The following FAM228B variants were observed in gnomAD, a reference collection of about 807,000 sequenced individuals.
FAM228B encodes protein FAM228B.
FAM228B carries 38 observed loss-of-function variants against 42.6 expected under a neutral mutation model. The ratio of observed to expected loss-of-function variants is 0.89; its 90% CI spans 0.69 to 1.17. The LOEUF (loss-of-function observed/expected upper bound fraction) is 1.17. Among genes scored for constraint, FAM228B ranks in the 50% most tolerant of loss-of-function variants. The pLI, the probability that FAM228B is intolerant of heterozygous loss-of-function variation, is 0.00. For missense variants in FAM228B, 344 were observed against 367.3 expected (o/e 0.94, Z 0.52); for synonymous variants, 109 against 122.3 (o/e 0.89, Z 0.72).
intron 7 of FAM228B, among the ~76,000 whole-genome samples, chr2:24,151,832 C>T (rs1667030663): frequency 6.6e-6 from 1 of 151,914 alleles, no homozygotes; most frequent in African/African-American, 2.4e-5. Context: ...TGCAGGCATG[C>T]ACCATCACAC....
chr2:24,123,375 G>C (rs1666189762), upstream of FAM228B: 1 of 152,194 alleles, frequency 6.6e-6, no homozygotes, highest in African/African-American at 2.4e-5. Context: ...AGCGACTCCA[G>C]CCCCTTCCGC....
chr2:24,124,318 G>A lies in FAM228B; in HGVS notation c.-32-12G>A. The A allele has an allele frequency of 7.9e-7, 1 of 1,272,230 alleles. No individual in the cohort carries two copies. Among genetic ancestry groups the A allele is most frequent in the Middle Eastern group, 1.9e-4 (1 of 5,382 alleles). 78.8% of individuals were successfully genotyped at this position (1,272,230 alleles called of 1,614,324 possible). On this transcript the variant is annotated splice_polypyrimidine_tract_variant and intron_variant, in intron 1 of 10. Transcript: ENST00000615575. Reference sequence around the variant, plus strand: ...CTGTGAAATGTTCAATACTAAATAAGATGATTTTTAGTTTTTCCAGGGGCA... The same window carrying A: ...CTGTGAAATGTTCAATACTAAATAAAATGATTTTTAGTTTTTCCAGGGGCA...
chr2:24,122,169 T>G (rs897316808), upstream of FAM228B, among the ~76,000 whole-genome samples: 1 of 151,992 alleles, frequency 6.6e-6, no homozygotes, highest in Non-Finnish European at 1.5e-5. Context: ...CCATCTCTAC[T>G]AAAAATACAA....
At chr2:24,127,037 ACTAT>A (rs1394200893) in intron 2 of FAM228B, among the ~76,000 whole-genome samples, 2 of 152,038 alleles carry the variant, frequency 1.3e-5, no homozygotes, top group Admixed American at 1.3e-4. Flanking sequence ...AACTGTCACC[ACTAT>A]CTAATTCCAG....
At chr2:24,167,510 C>T (rs1273868023) in intron 9 of FAM228B, 117 bp from the exon 10 acceptor site, 2 of 1,394,634 alleles carry the variant, frequency 1.4e-6, no homozygotes, top group African/African-American at 2.8e-5. Context: ...TGGTTCTTCT[C>T]CTGCCCTGGG....
At chr2:24,158,079 C>T (rs1317336198) in intron 7 of FAM228B, among the ~76,000 whole-genome samples, 1 of 151,746 alleles carries the variant, frequency 6.6e-6, no homozygotes, top group Non-Finnish European at 1.5e-5. Context: ...GAATGACATA[C>T]AAGATTGGGC....
chr2:24,130,263 A>G (rs892653458), intron 2 of FAM228B, among the ~76,000 whole-genome samples: 7 of 152,202 alleles, frequency 4.6e-5, no homozygotes, highest in East Asian at 1.9e-4. Context: ...TAGTGCTGCA[A>G]TAAACATACA....
In FAM228B at chr2:24,134,384, G is replaced by A. The variant is rs140784837; in HGVS notation, c.100-735G>A. Among the ~76,000 whole-genome samples the A allele has an allele frequency of 2.6e-4, 40 of 152,328 alleles. 2 individuals carry two copies. Among genetic ancestry groups the A allele is most frequent in the Admixed American group, 2.1e-3 (32 of 15,298 alleles). On this transcript the variant is annotated intron_variant, in intron 2 of 10. Coordinates refer to ENST00000615575, the MANE Select transcript of FAM228B (RefSeq NM_001145710.2). ...TGCCTTAGGTGGCACTAAGCTTTTA[G>A]TGAAACTGTTGACATATTCTTAACT...
upstream of FAM228B, chr2:24,121,032 G>T: frequency 8.2e-7 from 1 of 1,215,554 alleles, no homozygotes; most frequent in Non-Finnish European, 1.1e-6. Context: ...GCACTAGACT[G>T]CTATCTCAAG....
At chr2:24,130,751 C>A (rs1666436309) in intron 2 of FAM228B, among the ~76,000 whole-genome samples, 1 of 152,086 alleles carries the variant, frequency 6.6e-6, no homozygotes, top group Non-Finnish European at 1.5e-5. Flanking sequence ...TGTAGGTTTC[C>A]TGTTCATTCC....
At chr2:24,116,883 AAAAAAG>A (rs1220180632) in intron 3 of FAM228B, among the ~76,000 whole-genome samples, 2 of 148,580 alleles carry the variant, frequency 1.3e-5, no homozygotes, top group Non-Finnish European at 3.0e-5. Context: ...TCTCAAAAAA[AAAAAAG>A]AAAAAGAAAA....
At chr2:24,150,338 C>T (rs1666996651) in intron 7 of FAM228B, among the ~76,000 whole-genome samples, 1 of 152,076 alleles carries the variant, frequency 6.6e-6, no homozygotes, top group Non-Finnish European at 1.5e-5. Context: ...CTTTATTTCT[C>T]CTTCATGCTT....
chr2:24,152,305 C>A (rs1284723846), intron 7 of FAM228B, among the ~76,000 whole-genome samples: 1 of 152,200 alleles, frequency 6.6e-6, no homozygotes, highest in East Asian at 1.9e-4. Flanking sequence ...GGTCATATAT[C>A]TCTGTTTCTC....
In FAM228B at chr2:24,077,954, T is replaced by G. The variant is rs1234455430; in HGVS notation, c.-290+985T>G. ...ATGTGCCATCTCAGAATATGTCCGA[T>G]AGGTATATTGTTAATTTTGAGGTGA... is the stretch of plus-strand genomic sequence containing the variant. On this transcript the variant is annotated intron_variant, in intron 1 of 10. Transcript: ENST00000613899. This position sits in a 1 kb window ranked among gnomAD's most constrained non-coding sequence, Gnocchi z 5.5. Among the ~76,000 whole-genome samples, 2 of 152,176 alleles carry G rather than the reference T, an allele frequency of 1.3e-5. No homozygotes were observed. Among genetic ancestry groups the G allele is most frequent in the East Asian group, 3.8e-4 (2 of 5,198 alleles).
chr2:24,120,746 G>C (rs182310799), upstream of FAM228B, among the ~76,000 whole-genome samples: 169 of 152,060 alleles, frequency 1.1e-3, no homozygotes, highest in Non-Finnish European at 1.9e-3. Flanking sequence ...GTAGAAACAG[G>C]GTTTCACCAT....
At chr2:24,143,335 C>T (rs867848845) in intron 5 of FAM228B, among the ~76,000 whole-genome samples, 18 of 152,230 alleles carry the variant, frequency 1.2e-4, no homozygotes, top group South Asian at 2.1e-4. Flanking sequence ...CGCCCGCCAC[C>T]ACGCCCGGCT....
Position 24,169,249 on chromosome 2 carries a change from C to T in FAM228B, c.*15-107C>T. On this transcript the variant is annotated intron_variant, in intron 10 of 10. Transcript: ENST00000615575. This position sits in a 1 kb window ranked among gnomAD's most constrained non-coding sequence, Gnocchi z 4.2. Reference sequence around the variant, plus strand: ...GATGAGTCACTCGGCTCTGGCAGGACAGGCTTCAGGGGGATCAGCTCAGCT... The same window carrying T: ...GATGAGTCACTCGGCTCTGGCAGGATAGGCTTCAGGGGGATCAGCTCAGCT... 3 of 369,950 alleles carry T rather than the reference C, an allele frequency of 8.1e-6. No individual in the cohort carries two copies. The highest frequency in any genetic ancestry group is 6.0e-5 in the South Asian group (3 of 50,268). 22.9% of individuals were successfully genotyped at this position (369,950 alleles called of 1,614,324 possible).
intron 3 of FAM228B, among the ~76,000 whole-genome samples, chr2:24,112,296 C>CTTT (rs397984067): frequency 1.6e-4 from 15 of 95,744 alleles, no homozygotes; most frequent in Non-Finnish European, 2.3e-4. Context: ...AAGCTTTCAT[C>CTTT]TTTTTTTTTT....
intron 7 of FAM228B, among the ~76,000 whole-genome samples, chr2:24,160,651 T>C (rs1252210848): frequency 6.6e-6 from 1 of 152,208 alleles, no homozygotes; most frequent in African/African-American, 2.4e-5. Flanking sequence ...CTTTCTTATC[T>C]TGGTGATTGG....
Sources: gnomAD v4.1 joint callset for allele counts (sites outside exome capture counted in the v4.1 genomes callset) on GRCh38, gnomAD v4.1.1 for gene constraint, Gnocchi (gnomAD v3.1) non-coding constraint, MANE v1.5 for transcripts, NCBI Gene and HGNC (gene_info 2026-07-23, HGNC 2026-07-21) for gene names.